The following LINGO2 variants were observed in gnomAD, a reference collection of about 807,000 sequenced individuals.
LINGO2 encodes leucine rich repeat and Ig domain containing 2.
A neutral mutation model predicts 30.6 loss-of-function variants in LINGO2; 14 were observed. The observed-to-expected ratio is 0.46, with a 90% CI of 0.30 to 0.72. The LOEUF (loss-of-function observed/expected upper bound fraction) is 0.72. Ranked by LOEUF, LINGO2 falls within the 30% of genes least tolerant of loss-of-function variation. LINGO2 has a pLI of 0.07. For synonymous variants in LINGO2, 317 were observed against 288.5 expected, an observed-to-expected ratio of 1.10 and a Z score of -1.00; for missense variants, 729 against 751.7, an observed-to-expected ratio of 0.97 and a Z score of 0.35.
intron 2 of LINGO2, among the ~76,000 whole-genome samples, chr9:28,431,473 AAC>A (rs1823674298): frequency 6.6e-6 from 1 of 152,222 alleles, no homozygotes; most frequent in African/African-American, 2.4e-5. Flanking sequence ...TGATCTATAG[AAC>A]AATTGTTTGG....
intron 1 of LINGO2, among the ~76,000 whole-genome samples, chr9:28,541,795 G>C (rs1162481604): frequency 6.6e-6 from 1 of 152,164 alleles, no homozygotes; most frequent in African/African-American, 2.4e-5. Flanking sequence ...TTATGTTCTT[G>C]AATATGGTAA....
chr9:28,847,823 ATATATG>A, the LINGO2 span, among the ~76,000 whole-genome samples: 3 of 38,450 alleles, frequency 7.8e-5, no homozygotes, highest in Non-Finnish European at 1.2e-4. Context: ...ATATATACAT[ATATATG>A]TATAGTATAT....
intron 4 of LINGO2, among the ~76,000 whole-genome samples, chr9:28,238,782 C>T (rs1322563839): frequency 6.7e-6 from 1 of 149,862 alleles, no homozygotes; most frequent in Non-Finnish European, 1.5e-5. Context: ...AGAAGAAATA[C>T]TAAAAATAAG....
the LINGO2 span, among the ~76,000 whole-genome samples, chr9:28,767,061 A>G: frequency 6.6e-6 from 1 of 151,182 alleles, no homozygotes; most frequent in Non-Finnish European, 1.5e-5. Flanking sequence ...AACAGATAGT[A>G]TGGTGGTTAC....
chr9:28,279,350 C>A (rs1054160162), intron 4 of LINGO2, among the ~76,000 whole-genome samples: 3 of 152,180 alleles, frequency 2.0e-5, no homozygotes, highest in African/African-American at 7.2e-5. Context: ...TGCTACCATA[C>A]AGCATTGCAT....
At chr9:27,971,164 C>G (rs1053523715) in intron 5 of LINGO2, among the ~76,000 whole-genome samples, 2 of 151,884 alleles carry the variant, frequency 1.3e-5, no homozygotes, top group African/African-American at 4.8e-5. Flanking sequence ...AATAAACATA[C>G]TAAACGTCAC....
the LINGO2 span, among the ~76,000 whole-genome samples, chr9:29,099,260 A>G: frequency 1.3e-5 from 2 of 152,336 alleles, no homozygotes; most frequent in Admixed American, 6.5e-5. Context: ...TAAAGCTAAG[A>G]CTTCAAACTA....
chr9:28,703,128 G>GCTCCATTT, the LINGO2 span, among the ~76,000 whole-genome samples: 1 of 150,544 alleles, frequency 6.6e-6, no homozygotes, highest in Non-Finnish European at 1.5e-5. Context: ...ACTGATTTCT[G>GCTCCATTT]CTCCATTTTT....
At chr9:28,891,489 AAG>A in the LINGO2 span, among the ~76,000 whole-genome samples, 1 of 152,018 alleles carries the variant, frequency 6.6e-6, no homozygotes, top group Non-Finnish European at 1.5e-5. Flanking sequence ...AGAAAAAAAA[AAG>A]AGTATTAGTC....
chr9:28,585,721 G>A (rs747570887), intron 1 of LINGO2, among the ~76,000 whole-genome samples: 20 of 151,930 alleles, frequency 1.3e-4, no homozygotes, highest in African/African-American at 1.7e-4. Flanking sequence ...AATTAACCTC[G>A]TCGTAAGTTG....
intron 4 of LINGO2, among the ~76,000 whole-genome samples, chr9:28,013,045 T>G (rs1041237917): frequency 6.6e-6 from 1 of 152,160 alleles, no homozygotes; most frequent in Non-Finnish European, 1.5e-5. Context: ...GGTCTAGGGT[T>G]AGCATGTTGA....
At chr9:28,937,360 ATG>A in the LINGO2 span, among the ~76,000 whole-genome samples, 1 of 152,220 alleles carries the variant, frequency 6.6e-6, no homozygotes, top group Non-Finnish European at 1.5e-5. Context: ...CTAACAAGGT[ATG>A]TGCTTCCAGA....
intron 4 of LINGO2, among the ~76,000 whole-genome samples, chr9:28,211,590 A>G (rs1208725267): frequency 2.6e-5 from 4 of 151,450 alleles, no homozygotes; most frequent in African/African-American, 9.7e-5. Context: ...ACAGAGTTAT[A>G]CTTTTTAAAA....
chr9:29,212,083 GCAT>G, the LINGO2 span, among the ~76,000 whole-genome samples: 1 of 152,316 alleles, frequency 6.6e-6, no homozygotes, highest in East Asian at 1.9e-4. Flanking sequence ...GAGAAAGAGG[GCAT>G]TACCTCCCGG....
chr9:28,667,583 A>G (rs1431920066), intron 1 of LINGO2, among the ~76,000 whole-genome samples: 1 of 152,000 alleles, frequency 6.6e-6, no homozygotes, highest in Non-Finnish European at 1.5e-5. Context: ...ATCTCCACTA[A>G]AAATTCAAAA....
In LINGO2 at chr9:28,133,656, C is replaced by T. The variant is rs138003934; in HGVS notation, c.-86-121251G>A. Among the ~76,000 whole-genome samples the T allele has an allele frequency of 1.8e-4, 27 of 152,226 alleles. No individual in the cohort carries two copies. The East Asian group carries it at 4.0e-3, about 23-fold the overall frequency. On this transcript the variant is annotated intron_variant, in intron 4 of 5. Coordinates refer to ENST00000379992, the Ensembl canonical transcript of LINGO2. ...AAAGCACTGATGGGCAGCTTGGAGGCGGGGTTCATAGAACTCAGATTTCTT... is the reference window on the plus strand; with the variant it reads ...AAAGCACTGATGGGCAGCTTGGAGGTGGGGTTCATAGAACTCAGATTTCTT...
intron 3 of LINGO2, among the ~76,000 whole-genome samples, chr9:28,350,173 C>A (rs1318264633): frequency 2.1e-5 from 3 of 145,390 alleles, no homozygotes; most frequent in Non-Finnish European, 3.0e-5. Flanking sequence ...TGTAAATGGA[C>A]TAAATGCTCC....
the LINGO2 span, among the ~76,000 whole-genome samples, chr9:28,804,042 C>A: frequency 6.6e-6 from 1 of 152,114 alleles, no homozygotes; most frequent in South Asian, 2.1e-4. Context: ...TATTTGAAGG[C>A]CTCCACTTAG....
intron 4 of LINGO2, among the ~76,000 whole-genome samples, chr9:28,256,094 A>T (rs940675270): frequency 1.3e-5 from 2 of 152,046 alleles, no homozygotes; most frequent in Non-Finnish European, 2.9e-5. Flanking sequence ...CAAAACAAAG[A>T]GATATAGACC....
Sources: gnomAD v4.1 joint callset for allele counts (sites outside exome capture counted in the v4.1 genomes callset) on GRCh38, gnomAD v4.1.1 for gene constraint, MANE v1.5 for transcripts, NCBI Gene and HGNC (gene_info 2026-07-23, HGNC 2026-07-21) for gene names.